The following RNF126 variants were observed in gnomAD, a reference collection of about 807,000 sequenced individuals.
The protein encoded by RNF126 is ring finger protein 126.
RNF126 carries 20 observed loss-of-function variants against 41.9 expected under a neutral mutation model. The observed-to-expected ratio is 0.48, with a 90% CI of 0.34 to 0.69. RNF126 has a LOEUF of 0.69. Ranked by LOEUF, RNF126 falls within the 30% of genes least tolerant of loss-of-function variation. RNF126 has a pLI of 0.01. For missense variants in RNF126, 433 were observed against 460.6 expected, an observed-to-expected ratio of 0.94 and a Z score of 0.55; for synonymous variants, 239 against 202.9, an observed-to-expected ratio of 1.18 and a Z score of -1.51.
At position 648,502 on chromosome 19, in the gene RNF126, A is replaced by G; in HGVS notation, c.671-15T>C. On this transcript the variant is annotated splice_polypyrimidine_tract_variant and intron_variant, in intron 7 of 8. Transcript: ENST00000292363. ...GAGCCCGGAGCCTGCGGGAGTGTGC[A>G]GCTGCGGTCACAGCGGGCGTGGGGG... 1.9e-6 allele frequency: 3 copies of G among 1,551,736 alleles called. No homozygotes were observed. Among genetic ancestry groups the G allele is most frequent in the Non-Finnish European group, 2.6e-6 (3 of 1,151,058 alleles).
At chr19:649,040 G>C (rs552459963) in intron 6 of RNF126, 65 bp from the exon 7 acceptor site, 4 of 771,204 alleles carry the variant, frequency 5.2e-6, no homozygotes, top group Non-Finnish European at 7.4e-6. Context: ...TCTGAAACGC[G>C]AGGCTGCAGG....
chr19:662,185 C>G (rs896711479), intron 1 of RNF126, among the ~76,000 whole-genome samples: 1 of 152,164 alleles, frequency 6.6e-6, no homozygotes, highest in Non-Finnish European at 1.5e-5. Flanking sequence ...GACTGCTGAG[C>G]GCATTCCACA....
chr19:659,710 C>A lies in RNF126; in HGVS notation c.75+3337G>T, dbSNP rs2030712644. 6.6e-6 allele frequency among the ~76,000 whole-genome samples: 1 copy of A among 152,082 alleles called. No individual in the cohort carries two copies. On this transcript the variant is annotated intron_variant, in intron 1 of 8. Transcript: ENST00000292363. This position sits in a 1 kb window ranked among gnomAD's most constrained non-coding sequence, Gnocchi z 4.9. Reference sequence around the variant, plus strand: ...TGTCTGGTTCCTGCCGCCACACGCCCCACTCTGGCTGACGCTCCCTTTGCT... The same window carrying A: ...TGTCTGGTTCCTGCCGCCACACGCCACACTCTGGCTGACGCTCCCTTTGCT...
chr19:660,596 C>G lies in RNF126; in HGVS notation c.75+2451G>C, dbSNP rs116322418. ...TGCCAGATACGGAGCAGCCGTCCCT[C>G]CCCAGAACAAACGCCAGGTGTGCCC... On this transcript the variant is annotated intron_variant, in intron 1 of 8. Coordinates refer to ENST00000292363, the MANE Select transcript of RNF126 (RefSeq NM_194460.3). Among the ~76,000 whole-genome samples, 587 of 152,320 alleles carry G rather than the reference C, an allele frequency of 3.9e-3. 1 individual carries two copies. Among genetic ancestry groups the G allele is most frequent in the African/African-American group, 0.013 (555 of 41,564 alleles).
At chr19:649,870 G>C (rs2030188345) in intron 5 of RNF126, 122 bp from the exon 6 acceptor site, 1 of 662,872 alleles carries the variant, frequency 1.5e-6, no homozygotes, top group African/African-American at 1.8e-5. Context: ...ACTCACCAGG[G>C]ACCCTGGCTG....
At chr19:655,554 C>G (rs575107758) in intron 1 of RNF126, among the ~76,000 whole-genome samples, 1 of 151,966 alleles carries the variant, frequency 6.6e-6, no homozygotes, top group African/African-American at 2.4e-5. Flanking sequence ...GCTGGGTAAA[C>G]GCAGCCGGCC....
intron 1 of RNF126, among the ~76,000 whole-genome samples, chr19:655,121 C>T (rs987825395): frequency 1.3e-5 from 2 of 152,062 alleles, no homozygotes; most frequent in African/African-American, 4.8e-5. Flanking sequence ...ACCAGCCTAG[C>T]CAACATGGCC....
chr19:656,882 G>T (rs1219832713), intron 1 of RNF126, among the ~76,000 whole-genome samples: 2 of 152,176 alleles, frequency 1.3e-5, no homozygotes, highest in Non-Finnish European at 2.9e-5. Flanking sequence ...GGTCTATCGG[G>T]GCTCCTCTGG....
In RNF126 at chr19:659,806, C is replaced by G. The variant is rs1191591193; in HGVS notation, c.75+3241G>C. On this transcript the variant is annotated intron_variant, in intron 1 of 8. Coordinates refer to ENST00000292363, the MANE Select transcript of RNF126 (RefSeq NM_194460.3). The surrounding 1 kb of genome is among the most constrained non-coding windows in gnomAD (Gnocchi z 4.9). Reference sequence around the variant, plus strand: ...TTGGAAGGAGTCTTGCTCTGTCACCCAGGCTGGACTGCAGTGGCACAATCT... The same window carrying G: ...TTGGAAGGAGTCTTGCTCTGTCACCGAGGCTGGACTGCAGTGGCACAATCT... Among the ~76,000 whole-genome samples, 1 of 151,482 alleles carries G rather than the reference C, an allele frequency of 6.6e-6. No homozygotes were observed. The highest frequency in any genetic ancestry group is 1.5e-5 in the Non-Finnish European group (1 of 67,824).
chr19:651,369 T>C (rs906108981), intron 4 of RNF126: 78 of 387,480 alleles, frequency 2.0e-4, no homozygotes, highest in Non-Finnish European at 3.5e-4. Flanking sequence ...CCAGAGCACG[T>C]GGGCCTGGCA....
rs779904713 is a variant in RNF126 at position 648,361 on chromosome 19, G to A, written c.786+11C>T. ...GGTCGGGGTGGGGGGGCGGGTGGGCGGGGCACTCACCTGCTCCAGCCAGGG... is the reference window on the plus strand; with the variant it reads ...GGTCGGGGTGGGGGGGCGGGTGGGCAGGGCACTCACCTGCTCCAGCCAGGG... On this transcript the variant is annotated intron_variant, in intron 8 of 8. Coordinates refer to ENST00000292363, the MANE Select transcript of RNF126 (RefSeq NM_194460.3). The A allele has an allele frequency of 2.0e-5, 27 of 1,333,348 alleles. No homozygotes were observed. Among genetic ancestry groups the A allele is most frequent in the Middle Eastern group, 2.6e-4 (1 of 3,858 alleles). 82.6% of individuals were successfully genotyped at this position (1,333,348 alleles called of 1,614,324 possible).
In RNF126 at chr19:651,812, T is replaced by C. The variant is rs1293652714; in HGVS notation, c.242A>G (p.Gln81Arg). ...HLFTLPQGYG[Q>R]FAFGIFDDSF... ...GTCATCGAAGATGCCGAAAGCAAAC[T>C]GTCCGTAGCCCTGCGGCAGCGTGAA... The change falls in exon 4 of 9, where the codon CAG becomes CGG. Residue 81 changes from glutamine to arginine, a missense_variant. This residue lies in a region of RNF126 where 247 missense variants were observed against 224.7 expected (regional missense o/e 1.10). Coordinates refer to ENST00000292363, the MANE Select transcript of RNF126 (RefSeq NM_194460.3). 1.2e-6 allele frequency: 2 copies of C among 1,612,444 alleles called. No homozygotes were observed. Among genetic ancestry groups the C allele is most frequent in the African/African-American group, 1.3e-5 (1 of 74,898 alleles).
In RNF126 at chr19:647,887, G is replaced by C; in HGVS notation, c.*241C>G. 1 of 656,910 alleles carries C rather than the reference G, an allele frequency of 1.5e-6. No individual in the cohort carries two copies. The highest frequency in any genetic ancestry group is 2.7e-6 in the Non-Finnish European group (1 of 365,650). The allele number at this position is 656,910 out of a possible 1,614,324, so 40.7% of individuals were successfully genotyped here. On this transcript the variant is annotated 3_prime_UTR_variant, in exon 9 of 9. Coordinates refer to ENST00000292363, the MANE Select transcript of RNF126 (RefSeq NM_194460.3). ...ATCTTTCCACCGCTGAACGTTTAGA[G>C]GGTGAGGTTAGACAGAGGACGGGGA...
chr19:648,807 G>A lies in RNF126; in HGVS notation c.670+75C>T, dbSNP rs567109038. 1.2e-5 allele frequency: 11 copies of A among 904,144 alleles called. No homozygotes were observed. The East Asian group carries it at 1.3e-4, about 11-fold the overall frequency. 56.0% of individuals were successfully genotyped at this position (904,144 alleles called of 1,614,324 possible). A position where few individuals can be genotyped will look rare whatever the true frequency, so the allele number is the denominator to read the frequency against. On this transcript the variant is annotated intron_variant, in intron 7 of 8. Transcript: ENST00000292363. ...AACATGGTGAAACCCTGTCTCTACTGAAAATACAAGTATGAGCCAGGCGTG... is the reference window on the plus strand; with the variant it reads ...AACATGGTGAAACCCTGTCTCTACTAAAAATACAAGTATGAGCCAGGCGTG...
intron 1 of RNF126, among the ~76,000 whole-genome samples, chr19:662,312 C>G (rs1358173167): frequency 6.6e-6 from 1 of 152,206 alleles, no homozygotes; most frequent in African/African-American, 2.4e-5. Context: ...CCTAAACGAG[C>G]AGGAAGTAGC....
intron 4 of RNF126, among the ~76,000 whole-genome samples, chr19:650,959 C>T (rs2030247608): frequency 6.6e-6 from 1 of 152,158 alleles, no homozygotes; most frequent in Non-Finnish European, 1.5e-5. Context: ...AAACTCCTGT[C>T]CTCAAGAGAT....
rs1335643674 is a variant in RNF126, at chr19:651,651, G to T, written c.403C>A (p.Arg135=). 1.3e-6 allele frequency: 2 copies of T among 1,520,354 alleles called. No individual in the cohort carries two copies. The highest frequency in any genetic ancestry group is 2.5e-5 in the East Asian group (1 of 40,666). The allele number at this position is 1,520,354 out of a possible 1,614,324, so 94.2% of individuals were successfully genotyped here. Residue 135 remains arginine, a synonymous_variant, in exon 4 of 9, where the codon CGG becomes AGG. Transcript: ENST00000292363. ...RQPRARLTTR[R]ATGRHEGVPT... is the part of the protein sequence containing the mutation. ...ACGCCTTCGTGCCGGCCGGTGGCCC[G>T]CCGCGTGGTGAGGCGGGCGCGGGGC...
Position 663,187 on chromosome 19 carries a change from T to TA in RNF126, c.-67_-66insT, listed in dbSNP as rs1464246089. 9 of 707,010 alleles carry TA rather than the reference T, an allele frequency of 1.3e-5. No homozygotes were observed. The highest frequency in any genetic ancestry group is 3.9e-5 in the African/African-American group (2 of 51,204). 43.8% of individuals were successfully genotyped at this position (707,010 alleles called of 1,614,324 possible). A position where few individuals can be genotyped will look rare whatever the true frequency, so the allele number is the denominator to read the frequency against. On this transcript the variant is annotated 5_prime_UTR_variant, in exon 1 of 9. Transcript: ENST00000292363. ...GCACCCGCCGCCGGCCGTTTGCTGC[T>TA]CCCTCGCCGGCCGACGCGCCCGCGC...
chr19:652,948 T>G (rs10153505), intron 1 of RNF126, 64 bp from the exon 2 acceptor site: 1,300,905 of 1,487,736 alleles, frequency 0.87, 570,197 homozygotes, highest in East Asian at 1. Context: ...CCCCCCCAAG[T>G]GTGAGGACAG....
Sources: allele counts gnomAD v4.1 joint callset (sites outside exome capture counted in the v4.1 genomes callset), GRCh38; gene constraint gnomAD v4.1.1; regional missense constraint gnomAD v4.1.1; non-coding constraint Gnocchi (gnomAD v3.1); transcripts MANE v1.5; gene names NCBI Gene and HGNC (gene_info 2026-07-23, HGNC 2026-07-21).